Variants in MDGA2 observed in about 807,000 individuals in gnomAD.
The protein encoded by MDGA2 is MAM domain containing glycosylphosphatidylinositol anchor 2.
In MDGA2, 40 loss-of-function variants were observed where a neutral mutation model predicts 117.8. The ratio of observed to expected loss-of-function variants is 0.34; its 90% CI spans 0.26 to 0.44. The LOEUF is 0.44. Among genes scored for constraint, MDGA2 ranks in the 20% least tolerant of loss-of-function variants. The pLI is 1.00. For synonymous variants in MDGA2, 452 were observed against 439.0 expected (o/e 1.03, Z -0.37); for missense variants, 1,123 against 1,250.6 (o/e 0.90, Z 1.54).
chr14:47,286,837 G>GTATA (rs1340766807), intron 2 of MDGA2, among the ~76,000 whole-genome samples: 3 of 97,960 alleles, frequency 3.1e-5, no homozygotes, highest in Non-Finnish European at 6.2e-5. Context: ...ATATATATAT[G>GTATA]TATATATATA....
At chr14:46,882,271 G>A in intron 10 of MDGA2, 50 bp from the exon 11 acceptor site, 1 of 1,465,472 alleles carries the variant, frequency 6.8e-7, no homozygotes, top group South Asian at 1.4e-5. Context: ...TTCTTCAGAG[G>A]TACTAAGAAA....
chr14:47,456,124 T>A (rs2138581243), intron 1 of MDGA2, among the ~76,000 whole-genome samples: 1 of 152,168 alleles, frequency 6.6e-6, no homozygotes, highest in African/African-American at 2.4e-5. Flanking sequence ...GCATTGTAAG[T>A]GAAAGAAGGA....
chr14:47,433,069 G>C (rs1227093409), intron 1 of MDGA2, among the ~76,000 whole-genome samples: 1 of 152,034 alleles, frequency 6.6e-6, no homozygotes, highest in African/African-American at 2.4e-5. Flanking sequence ...AGTAATGATA[G>C]ATATAACTGC....
intron 1 of MDGA2, among the ~76,000 whole-genome samples, chr14:47,471,241 G>A (rs1323200275): frequency 1.0e-5 from 1 of 97,916 alleles, no homozygotes; most frequent in African/African-American, 4.3e-5. Flanking sequence ...GTGATTAATG[G>A]TATTAATGGA....
intron 5 of MDGA2, 28 bp downstream of exon 5, chr14:47,131,686 C>A: frequency 2.1e-6 from 3 of 1,456,860 alleles, no homozygotes; most frequent in East Asian, 2.3e-5. Flanking sequence ...AGATAAGATA[C>A]ATGTAACATA....
intron 8 of MDGA2, among the ~76,000 whole-genome samples, chr14:47,023,198 T>TAAAAAAAAAAAAAAAAAAAAAAAA (rs71985853): frequency 3.9e-5 from 4 of 102,846 alleles, no homozygotes; most frequent in Non-Finnish European, 5.9e-5. Context: ...TTCCCACTCG[T>TAAAAAAAAAAAAAAAAAAAAAAAA]AAAAAAAAAA....
chr14:47,559,644 C>T (rs890967079), intron 1 of MDGA2, among the ~76,000 whole-genome samples: 3 of 151,036 alleles, frequency 2.0e-5, no homozygotes, highest in Admixed American at 2.0e-4. Context: ...ACGATCTTGG[C>T]TCACTGCAAC....
intron 14 of MDGA2, among the ~76,000 whole-genome samples, chr14:46,856,049 G>C (rs1268334585): frequency 1.3e-5 from 2 of 151,906 alleles, no homozygotes; most frequent in Non-Finnish European, 2.9e-5. Context: ...ACTTACTCCA[G>C]ATGAGGAATT....
chr14:47,274,182 C>T (rs1395526115), intron 2 of MDGA2, among the ~76,000 whole-genome samples: 1 of 152,010 alleles, frequency 6.6e-6, no homozygotes, highest in Admixed American at 6.6e-5. Flanking sequence ...TTGGTTCCCT[C>T]TAAAAGAAAC....
At chr14:47,625,257 G>C (rs1237178579) in intron 1 of MDGA2, among the ~76,000 whole-genome samples, 1 of 151,960 alleles carries the variant, frequency 6.6e-6, no homozygotes, top group Non-Finnish European at 1.5e-5. Context: ...TAGATCTGCA[G>C]TGAGAGAAAT....
intron 12 of MDGA2, among the ~76,000 whole-genome samples, chr14:46,877,189 A>G (rs902775716): frequency 6.6e-6 from 1 of 151,684 alleles, no homozygotes; most frequent in Non-Finnish European, 1.5e-5. Context: ...GCAATCCCAC[A>G]AAAGAAAAAA....
chr14:47,592,017 T>G (rs546755653), intron 1 of MDGA2, among the ~76,000 whole-genome samples: 4 of 152,026 alleles, frequency 2.6e-5, no homozygotes, highest in African/African-American at 9.6e-5. Context: ...AAAAGCTTCT[T>G]AAGCTGATAA....
At position 47,096,925 on chromosome 14, in the gene MDGA2, C is replaced by G; in HGVS notation, c.1124G>C (p.Gly375Ala). ...TIPAITSDDA[G>A]TYSCIANNNV... ...ATTATTGGCAATGCAGCTGTAAGTA[C>G]CAGCATCATCTGAGGTGATGGCAGG... The change falls in exon 6 of 17, where the codon GGT becomes GCT. Residue 375 changes from glycine (G) to alanine (A), a missense_variant. Gly to Ala is a moderately conservative substitution (Grantham distance 60). Coordinates refer to ENST00000399232, the MANE Select transcript of MDGA2 (RefSeq NM_001113498.3). The G allele has an allele frequency of 6.2e-7, 1 of 1,613,294 alleles. No homozygotes were observed. The highest frequency in any genetic ancestry group is 1.1e-5 in the South Asian group (1 of 91,058).
intron 8 of MDGA2, among the ~76,000 whole-genome samples, chr14:47,027,737 T>C (rs1888527371): frequency 1.3e-5 from 2 of 151,842 alleles, no homozygotes; most frequent in South Asian, 2.1e-4. Flanking sequence ...TTATATATCA[T>C]GCTGTGTTCT....
chr14:46,945,336 T>C (rs551928625), intron 9 of MDGA2, among the ~76,000 whole-genome samples: 1 of 152,226 alleles, frequency 6.6e-6, no homozygotes, highest in African/African-American at 2.4e-5. Flanking sequence ...TGACATGGTT[T>C]TTGTTCCTCT....
intron 4 of MDGA2, among the ~76,000 whole-genome samples, chr14:47,137,500 G>T (rs929900042): frequency 9.9e-5 from 15 of 151,952 alleles, no homozygotes; most frequent in Non-Finnish European, 5.9e-5. Flanking sequence ...AAAGAAATCT[G>T]ATACCTCCCC....
At chr14:46,866,879 A>G (rs1203440889) in intron 14 of MDGA2, among the ~76,000 whole-genome samples, 1 of 145,668 alleles carries the variant, frequency 6.9e-6, no homozygotes, top group African/African-American at 2.4e-5. Flanking sequence ...AATCATTAAA[A>G]AGTCAGAAAA....
chr14:47,334,211 T>A (rs1436039588), intron 1 of MDGA2, among the ~76,000 whole-genome samples: 1 of 151,814 alleles, frequency 6.6e-6, no homozygotes, highest in Non-Finnish European at 1.5e-5. Flanking sequence ...TTAAAAAAAA[T>A]ATCTAGAGTT....
At chr14:46,927,798 A>C (rs999214183) in intron 9 of MDGA2, among the ~76,000 whole-genome samples, 2 of 152,208 alleles carry the variant, frequency 1.3e-5, no homozygotes, top group Non-Finnish European at 2.9e-5. Context: ...AAATTGCAAT[A>C]TAGCTGGTGT....
Sources: allele counts gnomAD v4.1 joint callset (sites outside exome capture counted in the v4.1 genomes callset), GRCh38; gene constraint gnomAD v4.1.1; transcripts MANE v1.5; gene names NCBI Gene and HGNC (gene_info 2026-07-23, HGNC 2026-07-21).